Variants in CLINT1 observed in about 807,000 individuals in gnomAD.
CLINT1 encodes the protein clathrin interactor 1.
A neutral mutation model predicts 70.4 loss-of-function variants in CLINT1; 15 were observed. That is an observed-to-expected ratio of 0.21 (90% CI 0.14 to 0.33). CLINT1 has a LOEUF of 0.33. CLINT1 is among the 10% of genes least tolerant of loss of function. The pLI is 1.00. For missense variants in CLINT1, 615 were observed against 778.1 expected (o/e 0.79, Z 2.49); for synonymous variants, 227 against 254.7 (o/e 0.89, Z 1.04).
chr5:157,855,064 A>G (rs1753708863), intron 1 of CLINT1, among the ~76,000 whole-genome samples: 1 of 148,990 alleles, frequency 6.7e-6, no homozygotes, highest in South Asian at 2.1e-4. Context: ...GAATCATTTG[A>G]ACCCGGGAGG....
Position 157,830,757 on chromosome 5 carries a change from C to CCCTCT in CLINT1, c.42-13211_42-13210insAGAGG, listed in dbSNP as rs1763202161. Among the ~76,000 whole-genome samples, 501 of 87,344 alleles carry CCCTCT rather than the reference C, an allele frequency of 5.7e-3. 5 individuals carry two copies. Among genetic ancestry groups the CCCTCT allele is most frequent in the African/African-American group, 6.8e-3 (144 of 21,118 alleles). The allele number at this position is 87,344 out of a possible 152,430, so 57.3% of individuals were successfully genotyped here. Reference sequence around the variant, plus strand: ...CTCTCCCTGCCCCTCCCTCTCTCTCCCTCTCTCTCTCTCTCTCTCTCTCTC... The same window carrying CCCTCT: ...CTCTCCCTGCCCCTCCCTCTCTCTCCCCTCTCTCTCTCTCTCTCTCTCTCTCTCTC... On this transcript the variant is annotated intron_variant, in intron 1 of 11. Coordinates refer to ENST00000411809, the MANE Select transcript of CLINT1 (RefSeq NM_014666.4).
rs141871707 is a variant in CLINT1 at position 157,854,279 on chromosome 5, C to T, written c.41+4651G>A. ...TCTTGAAGGCAGGTATTGTATGTTT[C>T]GAGTTCAGAAAATAGAGTACTAGAC... On this transcript the variant is annotated intron_variant, in intron 1 of 11. Coordinates refer to ENST00000411809, the MANE Select transcript of CLINT1 (RefSeq NM_014666.4). Among the ~76,000 whole-genome samples the T allele has an allele frequency of 1.9e-3, 284 of 152,246 alleles. 3 individuals are homozygous for T. Among genetic ancestry groups the T allele is most frequent in the Middle Eastern group, 0.01 (3 of 294 alleles).
At chr5:157,815,793 C>T (rs916727771) in intron 3 of CLINT1, among the ~76,000 whole-genome samples, 1 of 152,196 alleles carries the variant, frequency 6.6e-6, no homozygotes. Flanking sequence ...CAAACCTGTG[C>T]AGCATTGTTA....
In CLINT1 at chr5:157,787,616, C is replaced by T; in HGVS notation, c.*30G>A. 1 of 1,587,602 alleles carries T rather than the reference C, an allele frequency of 6.3e-7. No homozygotes were observed. Among genetic ancestry groups the T allele is most frequent in the Non-Finnish European group, 8.6e-7 (1 of 1,159,250 alleles). On this transcript the variant is annotated 3_prime_UTR_variant, in exon 12 of 12. Coordinates refer to ENST00000411809, the MANE Select transcript of CLINT1 (RefSeq NM_014666.4). ...TCACCTATCTGCACAGCTAAAAATT[C>T]TTCATTCAATCTGCTTCTTTTACAA...
chr5:157,786,712 T>C lies in CLINT1; in HGVS notation c.*934A>G, dbSNP rs1761737490. On this transcript the variant is annotated 3_prime_UTR_variant, in exon 12 of 12. Transcript: ENST00000411809. ...TAAAATCTAAAAGCAAACATTGAGTTGTAACATTTATATTTAACTTAAGGT... is the reference window on the plus strand; with the variant it reads ...TAAAATCTAAAAGCAAACATTGAGTCGTAACATTTATATTTAACTTAAGGT... The C allele has an allele frequency of 1.3e-5, 2 of 152,696 alleles. No individual in the cohort carries two copies. The highest frequency in any genetic ancestry group is 1.3e-4 in the Admixed American group (2 of 15,284). 9.5% of individuals were successfully genotyped at this position (152,696 alleles called of 1,614,324 possible). A position where few individuals can be genotyped will look rare whatever the true frequency, so the allele number is the denominator to read the frequency against.
rs560409843 is a variant in CLINT1 at position 157,834,982 on chromosome 5, T to C, written c.42-17435A>G. 5.3e-5 allele frequency among the ~76,000 whole-genome samples: 8 copies of C among 152,352 alleles called. No individual in the cohort carries two copies. In the East Asian group the frequency reaches 9.6e-4, roughly 18 times the overall value. ...TGTATTCACGGTGCTTTCATGTTCA[T>C]GAACATTAGCAGAGGAGCAAAAAAC... On this transcript the variant is annotated intron_variant, in intron 1 of 11. Coordinates refer to ENST00000411809, the MANE Select transcript of CLINT1 (RefSeq NM_014666.4).
intron 10 of CLINT1, among the ~76,000 whole-genome samples, chr5:157,791,225 A>C (rs1224603162): frequency 6.6e-6 from 1 of 151,968 alleles, no homozygotes; most frequent in Non-Finnish European, 1.5e-5. Flanking sequence ...TGCCTGGCTA[A>C]TTTTTTGTAT....
At chr5:157,855,654 T>A (rs1438696336) in intron 1 of CLINT1, among the ~76,000 whole-genome samples, 1 of 152,136 alleles carries the variant, frequency 6.6e-6, no homozygotes, top group African/African-American at 2.4e-5. Context: ...GTCTTCAAGG[T>A]CTCAAAAGCC....
intron 1 of CLINT1, among the ~76,000 whole-genome samples, chr5:157,846,686 T>C (rs1753392374): frequency 6.6e-6 from 1 of 152,134 alleles, no homozygotes; most frequent in African/African-American, 2.4e-5. Flanking sequence ...TCTAGGACTT[T>C]CATAGCTAGA....
intron 9 of CLINT1, among the ~76,000 whole-genome samples, chr5:157,793,479 T>C (rs1761977199): frequency 6.6e-6 from 1 of 152,188 alleles, no homozygotes; most frequent in Admixed American, 6.5e-5. Context: ...GTTGCAATGG[T>C]TTCAGCCCCC....
Position 157,786,623 on chromosome 5 carries a change from A to C in CLINT1, c.*1023T>G, listed in dbSNP as rs1231763805. The stretch of plus-strand genomic sequence containing the variant: ...TTAACAATATATATTTAACTCCTCT[A>C]TTGGAACCATATTGCTAATGCTGCA... On this transcript the variant is annotated 3_prime_UTR_variant, in exon 12 of 12. Coordinates refer to ENST00000411809, the MANE Select transcript of CLINT1 (RefSeq NM_014666.4). 6.6e-6 allele frequency: 1 copy of C among 152,608 alleles called. No individual in the cohort carries two copies. Among genetic ancestry groups the C allele is most frequent in the Non-Finnish European group, 1.5e-5 (1 of 68,022 alleles). 9.5% of individuals were successfully genotyped at this position (152,608 alleles called of 1,614,324 possible).
intron 1 of CLINT1, among the ~76,000 whole-genome samples, chr5:157,824,015 T>C (rs1291264784): frequency 6.6e-6 from 1 of 152,166 alleles, no homozygotes; most frequent in Admixed American, 6.5e-5. Context: ...CCCCAACCCC[T>C]GGTCTGTGCA....
chr5:157,853,455 C>G (rs994822093), intron 1 of CLINT1, among the ~76,000 whole-genome samples: 21 of 151,812 alleles, frequency 1.4e-4, no homozygotes, highest in African/African-American at 5.1e-4. Context: ...TAAGTACTTT[C>G]AATGGACATA....
chr5:157,789,620 T>C, intron 10 of CLINT1, 107 bp from the exon 11 acceptor site: 1 of 1,428,614 alleles, frequency 7.0e-7, no homozygotes, highest in South Asian at 1.2e-5. Context: ...ATAAAAATTA[T>C]CAGATGGCAA....
chr5:157,803,063 A>C (rs1217392234), intron 8 of CLINT1, among the ~76,000 whole-genome samples: 1 of 152,262 alleles, frequency 6.6e-6, no homozygotes, highest in Non-Finnish European at 1.5e-5. Context: ...AAAGAATAAA[A>C]AGTTAAATGA....
At chr5:157,805,042 T>C (rs948024438) in intron 7 of CLINT1, among the ~76,000 whole-genome samples, 3 of 152,202 alleles carry the variant, frequency 2.0e-5, no homozygotes, top group Non-Finnish European at 2.9e-5. Flanking sequence ...CTTTAAGATA[T>C]GTGATAAAAG....
chr5:157,813,667 A>G (rs757330083), intron 4 of CLINT1, among the ~76,000 whole-genome samples: 1 of 152,250 alleles, frequency 6.6e-6, no homozygotes, highest in Non-Finnish European at 1.5e-5. Context: ...CGTCTGGAAC[A>G]CTAATTATGA....
chr5:157,825,416 A>C (rs1039419872), intron 1 of CLINT1, among the ~76,000 whole-genome samples: 3 of 152,168 alleles, frequency 2.0e-5, no homozygotes, highest in Non-Finnish European at 2.9e-5. Flanking sequence ...TCAGTCAAAA[A>C]AAAATTACGA....
At chr5:157,808,163 T>C (rs1762441581) in intron 6 of CLINT1, among the ~76,000 whole-genome samples, 1 of 152,152 alleles carries the variant, frequency 6.6e-6, no homozygotes, top group Non-Finnish European at 1.5e-5. Context: ...CCCTCATTAA[T>C]GTTTTTGTGG....
Sources: allele counts gnomAD v4.1 joint callset (sites outside exome capture counted in the v4.1 genomes callset), GRCh38; gene constraint gnomAD v4.1.1; transcripts MANE v1.5; gene names NCBI Gene and HGNC (gene_info 2026-07-23, HGNC 2026-07-21).